The following ERBB4 variants were observed in gnomAD, a reference collection of about 807,000 sequenced individuals.
The protein encoded by ERBB4 is erb-b2 receptor tyrosine kinase 4.
A neutral mutation model predicts 158.0 loss-of-function variants in ERBB4; 42 were observed. The ratio of observed to expected loss-of-function variants is 0.27; its 90% CI spans 0.21 to 0.34. ERBB4 has a LOEUF of 0.34. ERBB4 is among the 10% of genes least tolerant of loss of function. The probability of loss-of-function intolerance (pLI) is 1.00; values close to 1 mark genes in which losing one functional copy is unlikely to be tolerated. For synonymous variants in ERBB4, 583 were observed against 558.7 expected (o/e 1.04, Z -0.61); for missense variants, 1,333 against 1,624.1 (o/e 0.82, Z 3.08).
intron 20 of ERBB4, among the ~76,000 whole-genome samples, chr2:211,434,679 T>C (rs1423526351): frequency 6.6e-6 from 1 of 152,194 alleles, no homozygotes; most frequent in Non-Finnish European, 1.5e-5. Context: ...TGATAGACTA[T>C]CCTGAAGCTA....
chr2:212,331,071 T>TAC (rs1553619152), intron 1 of ERBB4, among the ~76,000 whole-genome samples: 2 of 120,024 alleles, frequency 1.7e-5, no homozygotes, highest in African/African-American at 5.6e-5. Context: ...TATATATATA[T>TAC]ACACATATAT....
chr2:212,497,911 A>G (rs1690668592), intron 1 of ERBB4, among the ~76,000 whole-genome samples: 1 of 152,172 alleles, frequency 6.6e-6, no homozygotes, highest in African/African-American at 2.4e-5. Flanking sequence ...ATAAAATTTC[A>G]TATTTCCAAA....
intron 3 of ERBB4, among the ~76,000 whole-genome samples, chr2:211,860,823 T>C (rs1310686058): frequency 1.3e-5 from 2 of 148,668 alleles, no homozygotes; most frequent in Non-Finnish European, 3.0e-5. Context: ...TTAGGCTCTA[T>C]AATAACCATT....
At chr2:212,355,628 C>T (rs1459010874) in intron 1 of ERBB4, among the ~76,000 whole-genome samples, 1 of 151,974 alleles carries the variant, frequency 6.6e-6, no homozygotes, top group Non-Finnish European at 1.5e-5. Flanking sequence ...ATTTTAAAAC[C>T]TTGCATATCA....
At chr2:212,085,218 TTTCTC>T (rs2078566979) in intron 2 of ERBB4, among the ~76,000 whole-genome samples, 1 of 151,950 alleles carries the variant, frequency 6.6e-6, no homozygotes, top group African/African-American at 2.4e-5. Flanking sequence ...CTGCCTATGT[TTTCTC>T]TTCCACATTC....
intron 1 of ERBB4, among the ~76,000 whole-genome samples, chr2:212,443,686 T>C (rs918424543): frequency 6.6e-6 from 1 of 152,228 alleles, no homozygotes; most frequent in Non-Finnish European, 1.5e-5. Flanking sequence ...ACTTGGGCCC[T>C]GTGACCCAGC....
At chr2:212,431,321 A>AC (rs1465107582) in intron 1 of ERBB4, among the ~76,000 whole-genome samples, 10 of 148,426 alleles carry the variant, frequency 6.7e-5, no homozygotes, top group South Asian at 4.2e-4. Context: ...AAAAAAAAAA[A>AC]AAAAAAAAAC....
intron 2 of ERBB4, among the ~76,000 whole-genome samples, chr2:212,066,947 A>C (rs1012336190): frequency 6.6e-5 from 10 of 152,004 alleles, no homozygotes; most frequent in African/African-American, 2.2e-4. Context: ...CAAACAAAGC[A>C]AGAATTAATT....
At chr2:212,400,223 C>T (rs962751325) in intron 1 of ERBB4, among the ~76,000 whole-genome samples, 4 of 152,150 alleles carry the variant, frequency 2.6e-5, no homozygotes, top group Non-Finnish European at 5.9e-5. Flanking sequence ...ATTACTTTTG[C>T]ATTTCAAAAC....
chr2:211,536,326 T>C (rs1391293835), intron 20 of ERBB4, among the ~76,000 whole-genome samples: 1 of 152,028 alleles, frequency 6.6e-6, no homozygotes, highest in African/African-American at 2.4e-5. Context: ...GTGTAATCTA[T>C]TTTGTCAGAA....
rs1224902920 is a variant in ERBB4 at position 212,314,662 on chromosome 2, A to C, written c.83-189759T>G. On this transcript the variant is annotated intron_variant, in intron 1 of 27. Transcript: ENST00000342788. The stretch of plus-strand genomic sequence containing the variant: ...AGAATTAAAAACTAATTAGCACGTG[A>C]ATTTACTTATTGCTTAAGTTACTAA... Among the ~76,000 whole-genome samples, 6 of 151,046 alleles carry C rather than the reference A, an allele frequency of 4.0e-5. No homozygotes were observed. In the East Asian group the frequency reaches 1.2e-3, roughly 30 times the overall value.
chr2:211,839,120 AGAG>A (rs1223133234), intron 3 of ERBB4, among the ~76,000 whole-genome samples: 1 of 142,860 alleles, frequency 7.0e-6, no homozygotes. Context: ...AAAGAAATAA[AGAG>A]AGAGAGAGAG....
At chr2:211,724,299 A>T (rs903226301) in intron 6 of ERBB4, among the ~76,000 whole-genome samples, 1 of 151,942 alleles carries the variant, frequency 6.6e-6, no homozygotes, top group Non-Finnish European at 1.5e-5. Flanking sequence ...TGTCTATATC[A>T]TAAGAGCTTT....
chr2:211,996,355 A>G (rs2082200227), intron 2 of ERBB4, among the ~76,000 whole-genome samples: 1 of 152,000 alleles, frequency 6.6e-6, no homozygotes, highest in Admixed American at 6.6e-5. Flanking sequence ...TATTGATACT[A>G]GAACATGTTT....
At chr2:211,462,518 T>C (rs1283076054) in intron 20 of ERBB4, among the ~76,000 whole-genome samples, 1 of 152,126 alleles carries the variant, frequency 6.6e-6, no homozygotes, top group Non-Finnish European at 1.5e-5. Context: ...AAATAGCAAC[T>C]CGCAGAAAGA....
At chr2:212,346,856 A>G (rs989806405) in intron 1 of ERBB4, among the ~76,000 whole-genome samples, 1 of 152,100 alleles carries the variant, frequency 6.6e-6, no homozygotes, top group African/African-American at 2.4e-5. Flanking sequence ...TAATTAATAG[A>G]CCTCAAAATG....
intron 20 of ERBB4, among the ~76,000 whole-genome samples, chr2:211,535,007 G>A (rs915025859): frequency 2.0e-5 from 3 of 151,984 alleles, no homozygotes; most frequent in African/African-American, 7.2e-5. Flanking sequence ...TCTAATTATG[G>A]TCCAGAAAAT....
intron 3 of ERBB4, among the ~76,000 whole-genome samples, chr2:211,889,518 C>T (rs1332432470): frequency 6.6e-6 from 1 of 151,930 alleles, no homozygotes; most frequent in African/African-American, 2.4e-5. Context: ...GAACGCAGCT[C>T]CTCACCAGCA....
At chr2:212,000,013 G>A (rs909561537) in intron 2 of ERBB4, among the ~76,000 whole-genome samples, 5 of 151,544 alleles carry the variant, frequency 3.3e-5, no homozygotes, top group South Asian at 2.1e-4. Flanking sequence ...TGAGGGATTC[G>A]GTAATTCCTT....
Sources: allele counts gnomAD v4.1 joint callset (sites outside exome capture counted in the v4.1 genomes callset), GRCh38; gene constraint gnomAD v4.1.1; transcripts MANE v1.5; gene names NCBI Gene and HGNC (gene_info 2026-07-23, HGNC 2026-07-21).